The following LRRC63 variants were observed in gnomAD, a reference collection of about 807,000 sequenced individuals.
The protein encoded by LRRC63 is leucine rich repeat containing 63.
LRRC63 carries 40 observed loss-of-function variants against 49.5 expected under a neutral mutation model. The observed-to-expected ratio is 0.81, with a 90% CI of 0.63 to 1.05. LRRC63 has a LOEUF of 1.05. LRRC63 is among the 50% of genes least tolerant of loss of function. The probability of loss-of-function intolerance (pLI) is 0.00; values close to 1 mark genes in which losing one functional copy is unlikely to be tolerated. For missense variants in LRRC63, 636 were observed against 663.1 expected (o/e 0.96, Z 0.45); for synonymous variants, 191 against 221.1 (o/e 0.86, Z 1.21).
In LRRC63 at chr13:46,266,991, C is replaced by G; in HGVS notation, c.1550+19C>G. The G allele has an allele frequency of 6.6e-7, 1 of 1,504,942 alleles. No homozygotes were observed. The highest frequency in any genetic ancestry group is 2.5e-5 in the East Asian group (1 of 40,504). The allele number at this position is 1,504,942 out of a possible 1,614,324, so 93.2% of individuals were successfully genotyped here. ...TAAAATGGTGAGCAAATGCTGAAGC[C>G]CTTTTAACCAAAATATACCTTTAAG... is the stretch of plus-strand genomic sequence containing the variant. On this transcript the variant is annotated intron_variant, in intron 9 of 9. Coordinates refer to ENST00000595396, the Ensembl canonical transcript of LRRC63.
chr13:46,221,477 A>C (rs1002671603), intron 2 of LRRC63, among the ~76,000 whole-genome samples: 6 of 152,262 alleles, frequency 3.9e-5, no homozygotes, highest in Non-Finnish European at 2.9e-5. Flanking sequence ...ACCGATTCTG[A>C]TAATTCAGCG....
chr13:46,229,031 A>G (rs913918439), intron 4 of LRRC63, among the ~76,000 whole-genome samples: 4 of 152,232 alleles, frequency 2.6e-5, no homozygotes, highest in African/African-American at 9.6e-5. Flanking sequence ...CAAATCAAAC[A>G]AATGAAAATG....
intron 9 of LRRC63, among the ~76,000 whole-genome samples, chr13:46,271,913 A>G (rs1027144753): frequency 6.6e-6 from 1 of 152,080 alleles, no homozygotes; most frequent in Admixed American, 6.5e-5. Context: ...TAGGCACAGT[A>G]AGAGATAACT....
At chr13:46,259,842 G>A (rs568198679) in intron 7 of LRRC63, among the ~76,000 whole-genome samples, 1 of 152,232 alleles carries the variant, frequency 6.6e-6, no homozygotes. Context: ...TTATATCAGT[G>A]TGGTGGTCAT....
intron 5 of LRRC63, among the ~76,000 whole-genome samples, chr13:46,245,366 C>T (rs374181015): frequency 1.3e-5 from 2 of 152,238 alleles, no homozygotes; most frequent in East Asian, 3.9e-4. Context: ...ACCTAATTAA[C>T]ATTTATAGAA....
At chr13:46,247,771 T>C (rs7332083) in intron 6 of LRRC63, among the ~76,000 whole-genome samples, 4,553 of 152,180 alleles carry the variant, frequency 0.03, 249 homozygotes, top group African/African-American at 0.1. Flanking sequence ...ATGGTTGAAT[T>C]AGGCAAATTG....
chr13:46,267,021 A>C (rs2047693171), intron 9 of LRRC63, 49 bp downstream of exon 9: 1 of 1,460,160 alleles, frequency 6.8e-7, no homozygotes, highest in South Asian at 1.5e-5. Flanking sequence ...TTTAAGCATT[A>C]AAATGTTCTT....
At chr13:46,266,220 T>C (rs1488815672) in intron 8 of LRRC63, among the ~76,000 whole-genome samples, 1 of 152,228 alleles carries the variant, frequency 6.6e-6, no homozygotes, top group African/African-American at 2.4e-5. Flanking sequence ...ATGTTGGTTC[T>C]CTTTGAATAA....
intron 7 of LRRC63, among the ~76,000 whole-genome samples, chr13:46,260,196 T>C (rs1259335241): frequency 6.6e-6 from 1 of 152,040 alleles, no homozygotes; most frequent in Non-Finnish European, 1.5e-5. Context: ...GGAACCAAAC[T>C]AGGTTGCCAG....
chr13:46,258,277 G>A (rs1321365265), intron 7 of LRRC63, among the ~76,000 whole-genome samples: 2 of 151,280 alleles, frequency 1.3e-5, no homozygotes, highest in Non-Finnish European at 2.9e-5. Flanking sequence ...TTACAGGCAT[G>A]CGCCACCATG....
chr13:46,276,871 TATATATATATTC>T (rs1566518910), exon 10 of LRRC63: 36 of 159,002 alleles, frequency 2.3e-4, no homozygotes, highest in African/African-American at 8.9e-4. Context: ...TATATATTTA[TATATATATATTC>T]ATATATATAT....
chr13:46,271,841 T>C (rs259730), intron 9 of LRRC63, among the ~76,000 whole-genome samples: 53,918 of 151,742 alleles, frequency 0.36, 10,048 homozygotes, highest in East Asian at 0.56. Flanking sequence ...AACACATAAA[T>C]ACATTTCAAT....
At chr13:46,224,616 A>G (rs1020422536) in intron 2 of LRRC63, among the ~76,000 whole-genome samples, 1 of 152,038 alleles carries the variant, frequency 6.6e-6, no homozygotes, top group African/African-American at 2.4e-5. Flanking sequence ...TTTCCTTTGG[A>G]AGTTTCATAT....
intron 7 of LRRC63, among the ~76,000 whole-genome samples, chr13:46,258,151 C>T (rs911612624): frequency 1.5e-4 from 17 of 112,326 alleles, no homozygotes; most frequent in Admixed American, 3.2e-4. Context: ...TTTTTTGAGA[C>T]GGAGTCTTGT....
chr13:46,243,785 T>C (rs1393698524), intron 5 of LRRC63, among the ~76,000 whole-genome samples: 1 of 152,200 alleles, frequency 6.6e-6, no homozygotes, highest in African/African-American at 2.4e-5. Context: ...CCCTTGGTTA[T>C]ACGCTTTAAA....
chr13:46,266,819 T>G, exon 9 of LRRC63: 1 of 1,550,198 alleles, frequency 6.5e-7, no homozygotes, highest in South Asian at 1.2e-5. Context: ...AAAATTCAGT[T>G]TGAGAATAAT....
intron 5 of LRRC63, among the ~76,000 whole-genome samples, chr13:46,238,731 A>G (rs2046973063): frequency 6.6e-6 from 1 of 152,186 alleles, no homozygotes; most frequent in African/African-American, 2.4e-5. Flanking sequence ...ACAATTCAAG[A>G]TGATATTTGG....
At chr13:46,238,846 C>G (rs1175318197) in intron 5 of LRRC63, among the ~76,000 whole-genome samples, 1 of 152,150 alleles carries the variant, frequency 6.6e-6, no homozygotes, top group Non-Finnish European at 1.5e-5. Context: ...ATCACTCATA[C>G]CATACAATTA....
At chr13:46,222,669 T>G (rs1291138241) in intron 2 of LRRC63, among the ~76,000 whole-genome samples, 2 of 151,872 alleles carry the variant, frequency 1.3e-5, no homozygotes, top group Admixed American at 6.6e-5. Context: ...CTCAGGGATC[T>G]AGAACTAGAA....
Sources: gnomAD v4.1 joint callset for allele counts (sites outside exome capture counted in the v4.1 genomes callset) on GRCh38, gnomAD v4.1.1 for gene constraint, MANE v1.5 for transcripts, NCBI Gene and HGNC (gene_info 2026-07-23, HGNC 2026-07-21) for gene names.